Variants in PDXK observed in about 807,000 individuals in gnomAD.
PDXK encodes pyridoxal kinase, also known as epididymis secretory sperm binding protein Li 1a.
In PDXK, 15 loss-of-function variants were observed where a neutral mutation model predicts 43.2. The observed-to-expected ratio is 0.35, with a 90% CI of 0.23 to 0.53. The LOEUF is 0.53. Ranked by LOEUF, PDXK falls within the 20% of genes least tolerant of loss-of-function variation. The pLI, the probability that PDXK is intolerant of heterozygous loss-of-function variation, is 0.92. For synonymous variants in PDXK, 172 were observed against 165.4 expected, an observed-to-expected ratio of 1.04 and a Z score of -0.31; for missense variants, 343 against 417.0, an observed-to-expected ratio of 0.82 and a Z score of 1.54.
At position 43,750,376 on chromosome 21, in the gene PDXK, G is replaced by A. The variant is rs1047971771; in HGVS notation, c.465-124G>A. 2.9e-5 allele frequency: 24 copies of A among 833,180 alleles called. No individual in the cohort carries two copies. In the South Asian group the frequency reaches 3.3e-4, roughly 11 times the overall value. The allele number at this position is 833,180 out of a possible 1,614,324, so 51.6% of individuals were successfully genotyped here. A position where few individuals can be genotyped will look rare whatever the true frequency, so the allele number is the denominator to read the frequency against. The stretch of plus-strand genomic sequence containing the variant: ...CCCCGGCCCAGGGTGGCCAGTGGAC[G>A]AAGAGTTAGCTGCCTGTGGGGATGG... On this transcript the variant is annotated intron_variant, in intron 6 of 10. Transcript: ENST00000291565.
intron 5 of PDXK, among the ~76,000 whole-genome samples, chr21:43,747,402 C>T (rs2083657085): frequency 6.6e-6 from 1 of 152,288 alleles, no homozygotes; most frequent in African/African-American, 2.4e-5. Context: ...TGTATATTCA[C>T]TGAGCACAGC....
intron 1 of PDXK, among the ~76,000 whole-genome samples, chr21:43,727,342 A>T (rs534610374): frequency 7.6e-4 from 115 of 151,634 alleles, no homozygotes; most frequent in Non-Finnish European, 1.1e-3. Context: ...CCGTGCAATC[A>T]GCCGAGGAGG....
At chr21:43,719,851 G>C (rs1462676492) in intron 1 of PDXK, 2 of 985,354 alleles carry the variant, frequency 2.0e-6, no homozygotes, top group African/African-American at 3.5e-5. Context: ...TCACCTCCTG[G>C]GCCCCTGTGC....
intron 1 of PDXK, among the ~76,000 whole-genome samples, chr21:43,727,727 G>T (rs1027936724): frequency 1.3e-5 from 2 of 152,202 alleles, no homozygotes; most frequent in African/African-American, 4.8e-5. Context: ...TCTGCCAGCC[G>T]GGGCACAGGG....
At chr21:43,751,972 C>A (rs1405953313) in intron 7 of PDXK, among the ~76,000 whole-genome samples, 1 of 152,192 alleles carries the variant, frequency 6.6e-6, no homozygotes, top group Non-Finnish European at 1.5e-5. Flanking sequence ...TGGGCCACTG[C>A]AGCAGCCACT....
At chr21:43,731,204 G>T (rs2083313121) in intron 1 of PDXK, among the ~76,000 whole-genome samples, 1 of 152,112 alleles carries the variant, frequency 6.6e-6, no homozygotes, top group Non-Finnish European at 1.5e-5. Context: ...GCAATCGCGT[G>T]GCCCAATCCA....
At chr21:43,755,022 G>A (rs184261622) in intron 9 of PDXK, among the ~76,000 whole-genome samples, 86 of 152,268 alleles carry the variant, frequency 5.6e-4, no homozygotes, top group Admixed American at 5.1e-3. Context: ...TAAGCCTGCC[G>A]TGTTTAATTG....
chr21:43,734,201 CGGGGCGG>C lies in PDXK; in HGVS notation c.142+79_142+85del, dbSNP rs2083367210. 7.4e-7 allele frequency: 1 copy of C among 1,351,418 alleles called. No individual in the cohort carries two copies. Among genetic ancestry groups the C allele is most frequent in the African/African-American group, 1.5e-5 (1 of 68,738 alleles). The allele number at this position is 1,351,418 out of a possible 1,614,324, so 83.7% of individuals were successfully genotyped here. ...CGGGGCGGAGTGTGGGTGTGAGGGA[CGGGGCGG>C]AGTGTGGGTGTGAGGGACGGGGCTT... On this transcript the variant is annotated intron_variant, in intron 2 of 10. Transcript: ENST00000291565. This position sits in a 1 kb window ranked among gnomAD's most constrained non-coding sequence, Gnocchi z 5.0.
intron 6 of PDXK, 129 bp downstream of exon 6, chr21:43,749,209 A>G (rs959772755): frequency 3.9e-6 from 2 of 517,670 alleles, no homozygotes; most frequent in Non-Finnish European, 6.8e-6. Context: ...GGTTCAAGCA[A>G]TTCTCCTGCC....
intron 8 of PDXK, among the ~76,000 whole-genome samples, 181 bp downstream of exon 8, chr21:43,752,810 C>A (rs1476532285): frequency 6.6e-6 from 1 of 152,166 alleles, no homozygotes; most frequent in Non-Finnish European, 1.5e-5. Flanking sequence ...CCTCACAGGT[C>A]ACGATGAATG....
chr21:43,737,883 C>A lies in PDXK; in HGVS notation c.142+3760C>A. On this transcript the variant is annotated intron_variant, in intron 2 of 10. Transcript: ENST00000291565. This position sits in a 1 kb window ranked among gnomAD's most constrained non-coding sequence, Gnocchi z 4.8. ...GTTGGACACAAGATCCAAGCGCCCT[C>A]CCCTGTTGGAGAAGGTTCTTGTGGG... is the stretch of plus-strand genomic sequence containing the variant. 1 of 985,484 alleles carries A rather than the reference C, an allele frequency of 1.0e-6. No individual in the cohort carries two copies. Among genetic ancestry groups the A allele is most frequent in the Non-Finnish European group, 1.2e-6 (1 of 829,942 alleles). The allele number at this position is 985,484 out of a possible 1,614,324, so 61.0% of individuals were successfully genotyped here. A position where few individuals can be genotyped will look rare whatever the true frequency, so the allele number is the denominator to read the frequency against.
In PDXK at chr21:43,746,014, ATGT is replaced by A; in HGVS notation, c.332-64_332-62del. The A allele has an allele frequency of 1.4e-5, 18 of 1,247,288 alleles. 1 individual carries two copies. The South Asian group carries it at 2.2e-4, about 15-fold the overall frequency. The allele number at this position is 1,247,288 out of a possible 1,614,324, so 77.3% of individuals were successfully genotyped here. A position where few individuals can be genotyped will look rare whatever the true frequency, so the allele number is the denominator to read the frequency against. ...CCTGTCTTAAAAAAAGAAGAAAGAAATGTGGAGGGTTTCTTACTCGTCAGCTGT... is the reference window on the plus strand; with the variant it reads ...CCTGTCTTAAAAAAAGAAGAAAGAAAGGAGGGTTTCTTACTCGTCAGCTGT... On this transcript the variant is annotated intron_variant, in intron 4 of 10. Transcript: ENST00000291565.
intron 1 of PDXK, among the ~76,000 whole-genome samples, chr21:43,730,625 G>A (rs541878345): frequency 1.3e-5 from 2 of 152,278 alleles, no homozygotes; most frequent in Non-Finnish European, 2.9e-5. Context: ...CTAGGAAGTG[G>A]TGAGGCTACA....
rs570781449 is a variant in PDXK at position 43,739,762 on chromosome 21, C to G, written c.143-1905C>G. Among the ~76,000 whole-genome samples the G allele has an allele frequency of 5.9e-5, 9 of 151,850 alleles. No individual in the cohort carries two copies. The East Asian group carries it at 1.7e-3, about 29-fold the overall frequency. On this transcript the variant is annotated intron_variant, in intron 2 of 10. Coordinates refer to ENST00000291565, the MANE Select transcript of PDXK (RefSeq NM_003681.5). Reference sequence around the variant, plus strand: ...GATGAGATTTGGGTGGGGACACAGCCAGGCCATGTCACCTCCCCAGGAAAG... The same window carrying G: ...GATGAGATTTGGGTGGGGACACAGCGAGGCCATGTCACCTCCCCAGGAAAG...
At chr21:43,750,271 A>G (rs1172356461) in intron 6 of PDXK, among the ~76,000 whole-genome samples, 1 of 152,254 alleles carries the variant, frequency 6.6e-6, no homozygotes, top group Non-Finnish European at 1.5e-5. Flanking sequence ...TTACGTATAA[A>G]CAGCAGCCAT....
chr21:43,733,266 C>CCCCCCCCCCCCCCA (rs2083349124), intron 1 of PDXK, among the ~76,000 whole-genome samples: 1 of 103,474 alleles, frequency 9.7e-6, no homozygotes, highest in African/African-American at 3.5e-5. Flanking sequence ...CCCCCCCCCG[C>CCCCCCCCCCCCCCA]CCCCCCCGCC....
At chr21:43,720,138 G>C (rs1337439998) in intron 1 of PDXK, among the ~76,000 whole-genome samples, 1 of 152,242 alleles carries the variant, frequency 6.6e-6, no homozygotes, top group African/African-American at 2.4e-5. Flanking sequence ...CCGTGGAGGG[G>C]TAGGAGAGGC....
rs977435678 is a variant in PDXK, at chr21:43,736,924, A to G, written c.142+2801A>G. The G allele has an allele frequency of 3.6e-5, 25 of 699,850 alleles. No homozygotes were observed. The Admixed American group carries it at 4.8e-4, about 13-fold the overall frequency. The allele number at this position is 699,850 out of a possible 1,614,324, so 43.4% of individuals were successfully genotyped here. On this transcript the variant is annotated intron_variant, in intron 2 of 10. Coordinates refer to ENST00000291565, the MANE Select transcript of PDXK (RefSeq NM_003681.5). The stretch of plus-strand genomic sequence containing the variant: ...GCTGGGATTACAGGTGTGAGACTCC[A>G]CGCCCAGTCTTTTCTTTTTTCTTTT...
rs201445188 is a variant in PDXK at position 43,752,652 on chromosome 21, G to A, written c.622+23G>A. On this transcript the variant is annotated intron_variant, in intron 8 of 10. Coordinates refer to ENST00000291565, the MANE Select transcript of PDXK (RefSeq NM_003681.5). ...GGAGTAAGTGCCCCCATCGTGCACC[G>A]TGGCCGCCTCTGCTCTTCCCAGAGG... 1.3e-3 allele frequency: 1,813 copies of A among 1,403,982 alleles called. 1 individual carries two copies. Among genetic ancestry groups the A allele is most frequent in the Non-Finnish European group, 1.7e-3 (1,682 of 989,688 alleles). 87.0% of individuals were successfully genotyped at this position (1,403,982 alleles called of 1,614,324 possible).
Sources: gnomAD v4.1 joint callset for allele counts (sites outside exome capture counted in the v4.1 genomes callset) on GRCh38, gnomAD v4.1.1 for gene constraint, Gnocchi (gnomAD v3.1) non-coding constraint, MANE v1.5 for transcripts, NCBI Gene and HGNC (gene_info 2026-07-23, HGNC 2026-07-21) for gene names.